The following PSMC3IP variants were observed in gnomAD, a reference collection of about 807,000 sequenced individuals.
PSMC3IP encodes the protein PSMC3 interacting protein.
In PSMC3IP, 26 loss-of-function variants were observed where a neutral mutation model predicts 34.9. That is an observed-to-expected ratio of 0.74 (90% CI 0.55 to 1.03). PSMC3IP has a LOEUF of 1.03. Ranked by LOEUF, PSMC3IP falls within the 50% of genes least tolerant of loss-of-function variation. The probability of loss-of-function intolerance (pLI) is 0.00; values close to 1 mark genes in which losing one functional copy is unlikely to be tolerated. For missense variants in PSMC3IP, 250 were observed against 263.1 expected, an observed-to-expected ratio of 0.95 and a Z score of 0.34; for synonymous variants, 87 against 96.5, an observed-to-expected ratio of 0.90 and a Z score of 0.57.
At chr17:42,577,372 G>A (rs2143332941) in intron 2 of PSMC3IP, 70 bp from the exon 3 acceptor site, 4 of 1,607,470 alleles carry the variant, frequency 2.5e-6, no homozygotes, top group South Asian at 1.1e-5. Flanking sequence ...AGCCAGTGAT[G>A]TGGAAAACGC....
At chr17:42,573,818 CACTT>C (rs772597839) in intron 4 of PSMC3IP, 195 bp from the exon 5 acceptor site, 8 of 1,529,924 alleles carry the variant, frequency 5.2e-6, no homozygotes, top group East Asian at 2.4e-5. Flanking sequence ...TGAGGTTGAA[CACTT>C]ACTTAGGCGT....
chr17:42,576,286 G>A (rs946954836), intron 3 of PSMC3IP, among the ~76,000 whole-genome samples: 5 of 152,160 alleles, frequency 3.3e-5, no homozygotes, highest in Admixed American at 2.0e-4. Context: ...GGCGTCTTCC[G>A]GTGCCTTTTA....
intron 3 of PSMC3IP, among the ~76,000 whole-genome samples, chr17:42,575,717 G>A (rs1391104735): frequency 6.6e-6 from 1 of 152,050 alleles, no homozygotes; most frequent in Non-Finnish European, 1.5e-5. Context: ...CTCAAAAGAG[G>A]TAAGGGCCAG....
chr17:42,576,294 T>C (rs2093075235), intron 3 of PSMC3IP, among the ~76,000 whole-genome samples: 1 of 152,176 alleles, frequency 6.6e-6, no homozygotes, highest in South Asian at 2.1e-4. Flanking sequence ...CCGGTGCCTT[T>C]TACATGTTTT....
intron 3 of PSMC3IP, 124 bp downstream of exon 3, chr17:42,577,089 A>T: frequency 6.4e-7 from 1 of 1,553,916 alleles, no homozygotes; most frequent in Non-Finnish European, 8.7e-7. Flanking sequence ...CCTTGATTTA[A>T]GGATGGTGGC....
Position 42,573,310 on chromosome 17 carries a change from C to G in PSMC3IP, c.537+1G>C. ...CTGTCTCGGAGCTCCCACACACTTA[C>G]CATCCTCTTCCTCTTCCTCCACTCC... On this transcript the variant is annotated splice_donor_variant, in intron 6 of 7. Transcript: ENST00000393795. LOFTEE classifies it high-confidence loss of function. The G allele has an allele frequency of 6.2e-7, 1 of 1,614,152 alleles. No homozygotes were observed. Among genetic ancestry groups the G allele is most frequent in the Non-Finnish European group, 8.5e-7 (1 of 1,180,032 alleles).
chr17:42,574,726 CCTTTCCCTCTCTCTTTCTCT>C (rs2093063123), intron 3 of PSMC3IP, among the ~76,000 whole-genome samples: 1 of 21,146 alleles, frequency 4.7e-5, no homozygotes. Context: ...CTTCCCCCTC[CCTTTCCCTCTCTCTTTCTCT>C]CTCTTTCTCC....
Position 42,572,948 on chromosome 17 carries a change from C to T in PSMC3IP, c.*20G>A, listed in dbSNP as rs759744011. ...TCTTCTGACATCCTGCAGTCCCCAC[C>T]AGTCCTGACCGTGGGCCCCTCAGGG... On this transcript the variant is annotated 3_prime_UTR_variant, in exon 8 of 8. Transcript: ENST00000393795. 2 of 1,613,418 alleles carry T rather than the reference C, an allele frequency of 1.2e-6. No individual in the cohort carries two copies. The highest frequency in any genetic ancestry group is 2.2e-5 in the South Asian group (2 of 91,056).
At position 42,572,395 on chromosome 17, in the gene PSMC3IP, T is replaced by C; in HGVS notation, c.*573A>G. 1 of 454,666 alleles carries C rather than the reference T, an allele frequency of 2.2e-6. No individual in the cohort carries two copies. 28.2% of individuals were successfully genotyped at this position (454,666 alleles called of 1,614,324 possible). On this transcript the variant is annotated 3_prime_UTR_variant, in exon 8 of 8. Transcript: ENST00000393795. ...TTGAAATATTAACTGAGCCTCAAAATCACCCTTTCTGTCAAGCATATCTTG... is the reference window on the plus strand; with the variant it reads ...TTGAAATATTAACTGAGCCTCAAAACCACCCTTTCTGTCAAGCATATCTTG...
intron 3 of PSMC3IP, among the ~76,000 whole-genome samples, chr17:42,575,385 T>C (rs1485714888): frequency 6.6e-6 from 1 of 152,150 alleles, no homozygotes; most frequent in African/African-American, 2.4e-5. Flanking sequence ...GTGGCAGAGG[T>C]GAGTAGTTGT....
chr17:42,577,761 G>A (rs746975698), upstream of PSMC3IP: 3 of 1,577,962 alleles, frequency 1.9e-6, no homozygotes, highest in South Asian at 3.3e-5. Flanking sequence ...CGGCGACGGG[G>A]GCGGGCCTCG....
At position 42,577,720 on chromosome 17, in the gene PSMC3IP, C is replaced by A. The variant is rs774408358; in HGVS notation, c.-34G>T. 6.2e-7 allele frequency: 1 copy of A among 1,613,398 alleles called. No homozygotes were observed. The highest frequency in any genetic ancestry group is 1.1e-5 in the South Asian group (1 of 91,066). On this transcript the variant is annotated 5_prime_UTR_variant, in exon 1 of 8. Transcript: ENST00000393795. ...CCGCCACCCAACTCAGAAAGCCGGA[C>A]GTTGTAGTTGCTCGGGGCGACGGCT... is the stretch of plus-strand genomic sequence containing the variant.
At position 42,577,317 on chromosome 17, in the gene PSMC3IP, A is replaced by G; in HGVS notation, c.136-15T>C. ...TTCACCACCACCTGGCAGAGGAGAG[A>G]GAAGGAGCAATCAGAGGAGTCTGAG... On this transcript the variant is annotated splice_polypyrimidine_tract_variant and intron_variant, in intron 2 of 7. Transcript: ENST00000393795. 6.2e-7 allele frequency: 1 copy of G among 1,613,562 alleles called. No individual in the cohort carries two copies. Among genetic ancestry groups the G allele is most frequent in the Non-Finnish European group, 8.5e-7 (1 of 1,179,656 alleles).
chr17:42,575,888 C>G (rs1597726122), intron 3 of PSMC3IP, among the ~76,000 whole-genome samples: 1 of 149,182 alleles, frequency 6.7e-6, no homozygotes, highest in African/African-American at 2.5e-5. Context: ...GGCTTCGTGG[C>G]GGGTGCCTGT....
chr17:42,576,886 G>C, intron 3 of PSMC3IP: 1 of 382,256 alleles, frequency 2.6e-6, no homozygotes, highest in South Asian at 2.2e-5. Flanking sequence ...AATTTGATAT[G>C]TGTGTTTAGA....
At chr17:42,574,472 G>A (rs1039647057) in intron 3 of PSMC3IP, 6 of 1,001,414 alleles carry the variant, frequency 6.0e-6, no homozygotes, top group Non-Finnish European at 8.0e-6. Flanking sequence ...GATTAGGACA[G>A]AAATCTTCCC....
chr17:42,577,478 G>A lies in PSMC3IP; in HGVS notation c.118C>T (p.His40Tyr). ...QDVFGNLQRE[H>Y]GLGKAVVVKT... ...GTCCTCACCGCCTTGCCCAGTCCGTGTTCCCGCTGTAGGTTCCCGAACACA... is the reference window on the plus strand; with the variant it reads ...GTCCTCACCGCCTTGCCCAGTCCGTATTCCCGCTGTAGGTTCCCGAACACA... The change falls in exon 2 of 8, where the codon CAC becomes TAC. Residue 40 changes from histidine (H) to tyrosine (Y), a missense_variant. Coordinates refer to ENST00000393795, the MANE Select transcript of PSMC3IP (RefSeq NM_016556.4). 4 of 1,614,162 alleles carry A rather than the reference G, an allele frequency of 2.5e-6. No homozygotes were observed. In the South Asian group the frequency reaches 4.4e-5, roughly 18 times the overall value.
Position 42,577,219 on chromosome 17 carries a change from C to G in PSMC3IP, c.219G>C (p.Ala73=), listed in dbSNP as rs775053481. The G allele has an allele frequency of 6.2e-7, 1 of 1,613,978 alleles. No individual in the cohort carries two copies. Among genetic ancestry groups the G allele is most frequent in the South Asian group, 1.1e-5 (1 of 91,076 alleles). The part of the protein sequence containing the change: ...KMYGKQKIYF[A]DQDQFDMVSD... ...CGGCGCAAGTTCTCCTCACCTGATC[C>G]GCAAAATAGATCTTCTGCTTGCCGT... The change falls in exon 3 of 8, where the codon GCG becomes GCC. Residue 73 remains alanine (A), a synonymous_variant. Transcript: ENST00000393795.
chr17:42,577,442 C>G lies in PSMC3IP; in HGVS notation c.135+19G>C. 1 of 1,613,442 alleles carries G rather than the reference C, an allele frequency of 6.2e-7. No homozygotes were observed. The highest frequency in any genetic ancestry group is 8.5e-7 in the Non-Finnish European group (1 of 1,179,436). ...CCAGGGAGTCCGACGGAGAGGGAATCCCGGGAGAAGGTCCTCACCGCCTTG... is the reference window on the plus strand; with the variant it reads ...CCAGGGAGTCCGACGGAGAGGGAATGCCGGGAGAAGGTCCTCACCGCCTTG... On this transcript the variant is annotated intron_variant, in intron 2 of 7. Transcript: ENST00000393795.
Sources: allele counts gnomAD v4.1 joint callset (sites outside exome capture counted in the v4.1 genomes callset), GRCh38; gene constraint gnomAD v4.1.1; transcripts MANE v1.5; gene names NCBI Gene and HGNC (gene_info 2026-07-23, HGNC 2026-07-21).